AK9: variants seen among roughly 807,000 people sequenced by gnomAD.
The protein encoded by AK9 is adenylate kinase 9, also known as adenylate kinase domain containing 1.
A neutral mutation model predicts 239.6 loss-of-function variants in AK9; 191 were observed. The observed-to-expected ratio is 0.80, with a 90% confidence interval of 0.71 to 0.90. The LOEUF (loss-of-function observed/expected upper bound fraction) is 0.90, where lower values mean the gene tolerates loss of function less well. AK9 is among the 40% of genes least tolerant of loss of function. The pLI is 0.00. For synonymous variants in AK9, 689 were observed against 721.0 expected (o/e 0.96, Z 0.71); for missense variants, 1,995 against 2,214.7 (o/e 0.90, Z 1.99).
intron 21 of AK9, among the ~76,000 whole-genome samples, chr6:109,569,030 T>C (rs1201631856): frequency 3.3e-5 from 5 of 152,218 alleles, no homozygotes; most frequent in Non-Finnish European, 5.9e-5. Flanking sequence ...CTTCAAACTA[T>C]GCTACAAGGC....
At chr6:109,588,830 G>A (rs548538987) in intron 17 of AK9, among the ~76,000 whole-genome samples, 4 of 152,256 alleles carry the variant, frequency 2.6e-5, no homozygotes, top group South Asian at 2.1e-4. Context: ...TATTGAATGG[G>A]TGTCCTTTCC....
Position 109,563,624 on chromosome 6 carries a change from CTCA to C in AK9, c.2721_2723del (p.Asp907del). ...CTTCCTCTTCCTCTTCCTCTAGCTC[CTCA>C]TCAACCTCTGCTTCAGTCTGGTAGT... On this transcript the variant is annotated inframe_deletion, in exon 24 of 41. Transcript: ENST00000424296. 1 of 1,550,992 alleles carries C rather than the reference CTCA, an allele frequency of 6.4e-7. No homozygotes were observed. The highest frequency in any genetic ancestry group is 8.7e-7 in the Non-Finnish European group (1 of 1,146,428).
At chr6:109,634,941 G>A (rs1050567521) in intron 10 of AK9, among the ~76,000 whole-genome samples, 1 of 152,150 alleles carries the variant, frequency 6.6e-6, no homozygotes, top group Non-Finnish European at 1.5e-5. Flanking sequence ...CATGCCCATG[G>A]GGCCACACGT....
At chr6:109,657,735 T>G (rs559812167) in intron 7 of AK9, among the ~76,000 whole-genome samples, 2 of 152,104 alleles carry the variant, frequency 1.3e-5, no homozygotes, top group African/African-American at 4.8e-5. Context: ...GTGTGTGATG[T>G]TCCCCTTCCT....
chr6:109,654,931 A>G (rs7450970), intron 8 of AK9, among the ~76,000 whole-genome samples: 88,621 of 152,060 alleles, frequency 0.58, 27,513 homozygotes, highest in East Asian at 0.84. Flanking sequence ...CAGGTCAGAG[A>G]AGACTAGAAT....
chr6:109,661,866 T>C (rs1308918851), intron 6 of AK9, among the ~76,000 whole-genome samples: 1 of 152,224 alleles, frequency 6.6e-6, no homozygotes, highest in African/African-American at 2.4e-5. Context: ...GAGGCAGCTA[T>C]TGTCATTTTT....
chr6:109,669,424 T>C (rs1305999289), intron 5 of AK9, among the ~76,000 whole-genome samples: 1 of 152,008 alleles, frequency 6.6e-6, no homozygotes, highest in African/African-American at 2.4e-5. Flanking sequence ...TCCAACACTA[T>C]GTTGAATAGG....
At chr6:109,620,035 C>T (rs976576053) in intron 12 of AK9, among the ~76,000 whole-genome samples, 13 of 151,990 alleles carry the variant, frequency 8.6e-5, no homozygotes, top group Admixed American at 5.3e-4. Context: ...GAATATACTA[C>T]AGTTTTTTAT....
At chr6:109,572,654 TA>T (rs946893303) in intron 21 of AK9, among the ~76,000 whole-genome samples, 1 of 152,246 alleles carries the variant, frequency 6.6e-6, no homozygotes, top group Admixed American at 6.5e-5. Flanking sequence ...TAATTTTCAT[TA>T]ATTTCCCTTA....
intron 33 of AK9, 80 bp from the exon 34 acceptor site, chr6:109,506,880 T>A (rs1778172792): frequency 1.4e-6 from 2 of 1,432,392 alleles, no homozygotes; most frequent in Non-Finnish European, 1.8e-6. Flanking sequence ...AGAACCAGTC[T>A]GTCTCTTTAG....
At chr6:109,674,137 C>A in intron 3 of AK9, 61 bp downstream of exon 3, 1 of 1,356,592 alleles carries the variant, frequency 7.4e-7, no homozygotes, top group Non-Finnish European at 1.0e-6. Context: ...TAATTATCTC[C>A]ATTTTATGAA....
chr6:109,600,096 C>G (rs1361216578), intron 17 of AK9, among the ~76,000 whole-genome samples: 1 of 152,114 alleles, frequency 6.6e-6, no homozygotes, highest in Non-Finnish European at 1.5e-5. Flanking sequence ...TTGCCTTGGC[C>G]AGAACTTCCA....
chr6:109,496,675 C>G (rs1239379844), intron 38 of AK9, among the ~76,000 whole-genome samples: 1 of 152,088 alleles, frequency 6.6e-6, no homozygotes, highest in East Asian at 1.9e-4. Context: ...TTCTGACATT[C>G]ATGCATTGGT....
chr6:109,526,789 G>A (rs9400289), intron 29 of AK9, among the ~76,000 whole-genome samples: 101,561 of 151,858 alleles, frequency 0.67, 34,768 homozygotes, highest in East Asian at 0.99. Flanking sequence ...TCTCCAACCC[G>A]TATACCCATG....
chr6:109,614,184 A>G lies in AK9; in HGVS notation c.1608T>C (p.Asp536=). 5.8e-6 allele frequency: 9 copies of G among 1,550,358 alleles called. No individual in the cohort carries two copies. The highest frequency in any genetic ancestry group is 1.7e-4 in the Middle Eastern group (1 of 5,986). The change falls in exon 15 of 41, where the codon GAT becomes GAC. Residue 536 remains aspartate, a splice_region_variant and synonymous_variant. Coordinates refer to ENST00000424296, the MANE Select transcript of AK9 (RefSeq NM_001145128.3). ...GGGATTAGCAGTTCACTTTGTTACC[A>G]TCTTTATCAACTTTAGCAGCTTGAT... ...LHDQAAKVDK[D]DGKETGETFT...
chr6:109,646,460 G>A (rs1206715686), intron 8 of AK9, among the ~76,000 whole-genome samples: 1 of 152,140 alleles, frequency 6.6e-6, no homozygotes, highest in Non-Finnish European at 1.5e-5. Context: ...ACAAGCTTCA[G>A]TAGCTGATTC....
intron 27 of AK9, among the ~76,000 whole-genome samples, chr6:109,534,713 C>T (rs1008886856): frequency 3.3e-5 from 5 of 152,032 alleles, no homozygotes; most frequent in African/African-American, 9.7e-5. Flanking sequence ...CCCATTAACT[C>T]GTCATTTACA....
In AK9 at chr6:109,516,530, C is replaced by A. The variant is rs1409415918; in HGVS notation, c.3746G>T (p.Gly1249Val). The A allele has an allele frequency of 6.4e-7, 1 of 1,551,718 alleles. No individual in the cohort carries two copies. The highest frequency in any genetic ancestry group is 1.2e-5 in the South Asian group (1 of 84,052). Residue 1249 changes from glycine to valine, a missense_variant, in exon 30 of 41, where the codon GGC becomes GTC. Coordinates refer to ENST00000424296, the MANE Select transcript of AK9 (RefSeq NM_001145128.3). ...AGTTTCCTGTTCTTCATCTTCCTCG[C>A]CACTCATCTCTTCCTCATCTTTTGG... ...EFPKDEEEMS[G>V]EEDEEQETDA...
At chr6:109,610,305 T>A in intron 17 of AK9, 60 bp downstream of exon 17, 1 of 1,502,892 alleles carries the variant, frequency 6.7e-7, no homozygotes, top group African/African-American at 1.4e-5. Context: ...ACATATTAGA[T>A]TAACATTTTC....
Sources: allele counts gnomAD v4.1 joint callset (sites outside exome capture counted in the v4.1 genomes callset), GRCh38; gene constraint gnomAD v4.1.1; transcripts MANE v1.5; gene names NCBI Gene and HGNC (gene_info 2026-07-23, HGNC 2026-07-21).